The following NARS2 variants were observed in gnomAD, a reference collection of about 807,000 sequenced individuals.
The protein encoded by NARS2 is asparaginyl-tRNA synthetase.
In NARS2, 60 loss-of-function variants were observed where a neutral mutation model predicts 62.9. The observed-to-expected ratio is 0.95, with a 90% CI of 0.77 to 1.18. The LOEUF (loss-of-function observed/expected upper bound fraction) is 1.18, where lower values mean the gene tolerates loss of function less well. Ranked by LOEUF, NARS2 falls within the 50% of genes most tolerant of loss-of-function variation. The probability of loss-of-function intolerance (pLI) is 0.00; values close to 1 mark genes in which losing one functional copy is unlikely to be tolerated. For missense variants in NARS2, 619 were observed against 576.4 expected (o/e 1.07, Z -0.76); for synonymous variants, 196 against 200.0 (o/e 0.98, Z 0.17).
chr11:78,457,695 T>C (rs537729611), intron 11 of NARS2, among the ~76,000 whole-genome samples: 1 of 152,272 alleles, frequency 6.6e-6, no homozygotes, highest in South Asian at 2.1e-4. Flanking sequence ...CTAGAGAGAC[T>C]GTGTCATAAT....
intron 9 of NARS2, among the ~76,000 whole-genome samples, chr11:78,471,018 G>C (rs1858849618): frequency 6.6e-6 from 1 of 150,866 alleles, no homozygotes. Flanking sequence ...TAACCAGAAA[G>C]AGTTGTATTG....
In NARS2 at chr11:78,529,432, TTTAA is replaced by T. The variant is rs200421318; in HGVS notation, c.595-500_595-497del. On this transcript the variant is annotated intron_variant, in intron 5 of 13. Transcript: ENST00000281038. The stretch of plus-strand genomic sequence containing the variant: ...ATGAACTTTCAAAAACAGTATTTCA[TTTAA>T]TTGTCACCATAACTAGGTAGCAGGA... 1.1e-4 allele frequency among the ~76,000 whole-genome samples: 17 copies of T among 152,304 alleles called. No homozygotes were observed. The East Asian group carries it at 3.3e-3, about 29-fold the overall frequency.
chr11:78,465,275 C>T (rs1357775796), intron 11 of NARS2, among the ~76,000 whole-genome samples: 2 of 152,274 alleles, frequency 1.3e-5, no homozygotes, highest in Non-Finnish European at 2.9e-5. Context: ...GGTTCCCGCC[C>T]ATGCCTCTCC....
At chr11:78,556,713 A>C (rs1371219170) in intron 5 of NARS2, among the ~76,000 whole-genome samples, 1 of 152,222 alleles carries the variant, frequency 6.6e-6, no homozygotes, top group Non-Finnish European at 1.5e-5. Context: ...AATTTGTAGT[A>C]ATTTTGTCTT....
At chr11:78,499,682 TTAC>T (rs1860211178) in intron 6 of NARS2, among the ~76,000 whole-genome samples, 1 of 152,190 alleles carries the variant, frequency 6.6e-6, no homozygotes, top group African/African-American at 2.4e-5. Context: ...AACTATAACA[TTAC>T]TACAAGAAAA....
intron 7 of NARS2, among the ~76,000 whole-genome samples, chr11:78,482,491 G>A (rs1329649284): frequency 2.6e-5 from 4 of 151,396 alleles, no homozygotes; most frequent in African/African-American, 4.8e-5. Flanking sequence ...CAAATAGGCC[G>A]CTAGCTAGAC....
chr11:78,485,335 T>A (rs1314433503), intron 7 of NARS2, among the ~76,000 whole-genome samples: 2 of 152,020 alleles, frequency 1.3e-5, no homozygotes, highest in African/African-American at 2.4e-5. Context: ...CAAACCACCA[T>A]GGCACATGTA....
At chr11:78,463,754 G>A (rs1043255193) in intron 11 of NARS2, among the ~76,000 whole-genome samples, 2 of 129,692 alleles carry the variant, frequency 1.5e-5, no homozygotes, top group African/African-American at 5.6e-5. Context: ...GACAAGAAAC[G>A]GTAAAGGGAT....
chr11:78,492,006 T>C (rs982405605), intron 7 of NARS2, among the ~76,000 whole-genome samples: 2 of 151,930 alleles, frequency 1.3e-5, no homozygotes, highest in East Asian at 1.9e-4. Flanking sequence ...GTAACCACAA[T>C]GCTTCTGAAT....
chr11:78,548,817 C>T (rs1855977533), intron 5 of NARS2, among the ~76,000 whole-genome samples: 2 of 152,004 alleles, frequency 1.3e-5, no homozygotes, highest in Admixed American at 1.3e-4. Context: ...TTTAATCCAA[C>T]CATTTAAAGT....
chr11:78,477,436 A>AG (rs1349585221), intron 9 of NARS2, among the ~76,000 whole-genome samples: 1 of 152,120 alleles, frequency 6.6e-6, no homozygotes, highest in African/African-American at 2.4e-5. Flanking sequence ...CAGCTGTAGG[A>AG]GAAAAAAAAC....
At chr11:78,501,266 A>G (rs1860274572) in intron 6 of NARS2, among the ~76,000 whole-genome samples, 1 of 152,228 alleles carries the variant, frequency 6.6e-6, no homozygotes, top group Admixed American at 6.5e-5. Context: ...AAAGGTGGCT[A>G]GATTCTCATA....
intron 11 of NARS2, among the ~76,000 whole-genome samples, chr11:78,463,772 A>T (rs1290601189): frequency 2.0e-5 from 3 of 151,448 alleles, no homozygotes; most frequent in Non-Finnish European, 4.4e-5. Flanking sequence ...GATGAGAGAG[A>T]CAAAACAGGC....
At chr11:78,492,628 A>AT (rs1285588449) in intron 7 of NARS2, among the ~76,000 whole-genome samples, 1 of 152,210 alleles carries the variant, frequency 6.6e-6, no homozygotes, top group African/African-American at 2.4e-5. Flanking sequence ...TTATGTAAGT[A>AT]TTACAGACAT....
chr11:78,530,503 T>C (rs568785298), intron 5 of NARS2, among the ~76,000 whole-genome samples: 30 of 152,328 alleles, frequency 2.0e-4, no homozygotes, highest in African/African-American at 7.0e-4. Flanking sequence ...AGACAGAGTC[T>C]CACACTGTCG....
chr11:78,524,033 G>A (rs1172397125), intron 6 of NARS2, among the ~76,000 whole-genome samples: 1 of 151,930 alleles, frequency 6.6e-6, no homozygotes, highest in East Asian at 1.9e-4. Flanking sequence ...TTTTTGACTT[G>A]CTATGTTTAA....
chr11:78,449,885 A>G (rs138591916), intron 11 of NARS2, among the ~76,000 whole-genome samples: 417 of 152,346 alleles, frequency 2.7e-3, no homozygotes, highest in African/African-American at 9.5e-3. Context: ...GTTTAAAACA[A>G]TGAAAGGCCT....
At chr11:78,524,992 G>C (rs1408859105) in intron 6 of NARS2, among the ~76,000 whole-genome samples, 2 of 152,224 alleles carry the variant, frequency 1.3e-5, no homozygotes, top group South Asian at 4.1e-4. Flanking sequence ...GCCATGAAAA[G>C]TCCTGGAGGA....
intron 11 of NARS2, among the ~76,000 whole-genome samples, chr11:78,455,713 A>G (rs1858135566): frequency 1.3e-5 from 2 of 152,062 alleles, no homozygotes; most frequent in African/African-American, 4.8e-5. Flanking sequence ...CTTCACTCCC[A>G]GAAAGATCAG....
Sources: allele counts gnomAD v4.1 joint callset (sites outside exome capture counted in the v4.1 genomes callset), GRCh38; gene constraint gnomAD v4.1.1; transcripts MANE v1.5; gene names NCBI Gene and HGNC (gene_info 2026-07-23, HGNC 2026-07-21).